The following IL1RAPL1 variants were observed in gnomAD, a reference collection of about 807,000 sequenced individuals.
IL1RAPL1 encodes interleukin 1 receptor accessory protein like 1, also known as interleukin-1 receptor accessory protein-like 1.
IL1RAPL1 carries 3 observed loss-of-function variants against 48.4 expected under a neutral mutation model. The observed-to-expected ratio is 0.06, with a 90% CI of 0.03 to 0.16. The LOEUF (loss-of-function observed/expected upper bound fraction) is 0.16. Ranked by LOEUF, IL1RAPL1 falls within the 10% of genes least tolerant of loss-of-function variation. The probability of loss-of-function intolerance (pLI) is 1.00; values close to 1 mark genes in which losing one functional copy is unlikely to be tolerated. For synonymous variants in IL1RAPL1, 185 were observed against 187.7 expected (o/e 0.99, Z 0.12); for missense variants, 349 against 530.6 (o/e 0.66, Z 3.36).
intron 5 of IL1RAPL1, among the ~76,000 whole-genome samples, chrX:29,617,709 A>G (rs186536237): frequency 8.9e-6 from 1 of 112,153 alleles, no homozygotes; most frequent in African/African-American, 3.2e-5. Flanking sequence ...AGGATTCTCT[A>G]TGGTTATGCA....
intron 6 of IL1RAPL1, among the ~76,000 whole-genome samples, chrX:29,829,440 A>G (rs1411137283): frequency 1.0e-5 from 1 of 97,421 alleles, no homozygotes; most frequent in Non-Finnish European, 2.2e-5. Context: ...ATGTTACATG[A>G]ATGAAAGTTA....
At chrX:28,753,691 C>A (rs904571932) in intron 1 of IL1RAPL1, among the ~76,000 whole-genome samples, 6 of 112,140 alleles carry the variant, frequency 5.4e-5, no homozygotes, top group African/African-American at 1.9e-4. Context: ...AATAGTAGGT[C>A]TATTTTACTC....
chrX:28,684,299 G>T (rs1416907644), intron 1 of IL1RAPL1, among the ~76,000 whole-genome samples: 1 of 111,972 alleles, frequency 8.9e-6, no homozygotes, highest in Non-Finnish European at 1.9e-5. Context: ...AGAACAAATA[G>T]TGGTCTTGGC....
chrX:29,861,702 A>C (rs184451378), intron 6 of IL1RAPL1, among the ~76,000 whole-genome samples: 1 of 111,849 alleles, frequency 8.9e-6, no homozygotes, highest in African/African-American at 3.2e-5. Flanking sequence ...TATGGAAATA[A>C]AAAATAAAAT....
intron 2 of IL1RAPL1, among the ~76,000 whole-genome samples, chrX:28,919,560 A>T (rs979850541): frequency 8.9e-6 from 1 of 111,910 alleles, no homozygotes; most frequent in African/African-American, 3.2e-5. Context: ...TCTGCCACTT[A>T]CCAGTCATTT....
At chrX:28,957,168 G>A (rs1175909960) in intron 2 of IL1RAPL1, among the ~76,000 whole-genome samples, 2 of 111,277 alleles carry the variant, frequency 1.8e-5, no homozygotes, top group Non-Finnish European at 3.8e-5. Context: ...AGCATTGGGA[G>A]ATATACCTAA....
chrX:29,761,261 A>G (rs1928743742), intron 6 of IL1RAPL1, among the ~76,000 whole-genome samples: 1 of 111,642 alleles, frequency 9.0e-6, no homozygotes, highest in Admixed American at 9.6e-5. Flanking sequence ...AATCTCTAAA[A>G]CTTCTCCATC....
intron 6 of IL1RAPL1, among the ~76,000 whole-genome samples, chrX:29,724,791 A>C (rs1446389465): frequency 1.8e-5 from 2 of 112,074 alleles, no homozygotes; most frequent in Non-Finnish European, 3.8e-5. Flanking sequence ...TTTGATGATA[A>C]ATGAAATTAT....
At chrX:29,279,529 A>AT (rs1932169541) in intron 2 of IL1RAPL1, among the ~76,000 whole-genome samples, 1 of 111,769 alleles carries the variant, frequency 8.9e-6, no homozygotes, top group Admixed American at 9.5e-5. Context: ...TTATTGAACC[A>AT]TTTTAAGTTT....
chrX:29,242,969 G>A (rs1056853938), intron 2 of IL1RAPL1, among the ~76,000 whole-genome samples: 4 of 111,862 alleles, frequency 3.6e-5, no homozygotes, highest in African/African-American at 1.3e-4. Context: ...AAAAGAACAC[G>A]TGAGGCCCCT....
chrX:29,277,651 T>C (rs1382996185), intron 2 of IL1RAPL1, among the ~76,000 whole-genome samples: 1 of 112,052 alleles, frequency 8.9e-6, no homozygotes, highest in African/African-American at 3.2e-5. Flanking sequence ...CTCCCTACTT[T>C]TTAGTTATTA....
At chrX:29,767,520 A>G (rs1244848384) in intron 6 of IL1RAPL1, among the ~76,000 whole-genome samples, 1 of 112,136 alleles carries the variant, frequency 8.9e-6, no homozygotes, top group East Asian at 2.8e-4. Flanking sequence ...AATAAAGTTT[A>G]AAGATGCAGA....
intron 6 of IL1RAPL1, among the ~76,000 whole-genome samples, chrX:29,794,426 A>G (rs1929699332): frequency 8.9e-6 from 1 of 112,010 alleles, no homozygotes; most frequent in Non-Finnish European, 1.9e-5. Flanking sequence ...AGTTTGGTAG[A>G]ATTCTACAAT....
chrX:29,692,293 T>C (rs1424977380), intron 6 of IL1RAPL1, among the ~76,000 whole-genome samples: 1 of 112,034 alleles, frequency 8.9e-6, no homozygotes, highest in Non-Finnish European at 1.9e-5. Context: ...TAGATTAAGA[T>C]ATAGTTCTCT....
intron 6 of IL1RAPL1, among the ~76,000 whole-genome samples, chrX:29,878,064 C>T (rs186163829): frequency 5.3e-5 from 6 of 112,152 alleles, no homozygotes; most frequent in Admixed American, 3.8e-4. Context: ...TACAGTTTCT[C>T]TGCCAGAATT....
chrX:29,031,489 G>C (rs1321519333), intron 2 of IL1RAPL1, among the ~76,000 whole-genome samples: 1 of 111,831 alleles, frequency 8.9e-6, no homozygotes, highest in Non-Finnish European at 1.9e-5. Flanking sequence ...TTGTGGATTA[G>C]TTAGGCTTTT....
intron 5 of IL1RAPL1, among the ~76,000 whole-genome samples, chrX:29,400,839 AG>A (rs1933984216): frequency 8.9e-6 from 1 of 112,245 alleles, no homozygotes. Context: ...ATTGAGGCAA[AG>A]GAATTTAAAA....
chrX:29,657,364 A>C (rs748354026), intron 5 of IL1RAPL1, among the ~76,000 whole-genome samples: 70 of 111,720 alleles, frequency 6.3e-4, no homozygotes, highest in Non-Finnish European at 1.2e-3. Context: ...TGACGATCTC[A>C]GTTGAGAACC....
At chrX:28,642,558 A>G (rs1232371827) in intron 1 of IL1RAPL1, among the ~76,000 whole-genome samples, 1 of 112,116 alleles carries the variant, frequency 8.9e-6, no homozygotes, top group Non-Finnish European at 1.9e-5. Flanking sequence ...CTGAATGACT[A>G]CTGGGTAAAT....
Sources: allele counts gnomAD v4.1 joint callset (sites outside exome capture counted in the v4.1 genomes callset), GRCh38; gene constraint gnomAD v4.1.1; transcripts MANE v1.5; gene names NCBI Gene and HGNC (gene_info 2026-07-23, HGNC 2026-07-21).